The following SENP1 variants were observed in gnomAD, a reference collection of about 807,000 sequenced individuals.
SENP1 encodes the protein SUMO specific peptidase 1.
Under a neutral mutation model 93.0 loss-of-function variants are expected in SENP1, and 21 were observed. The observed-to-expected ratio is 0.23, with a 90% CI of 0.16 to 0.33. The LOEUF (loss-of-function observed/expected upper bound fraction) is 0.33. Among genes scored for constraint, SENP1 ranks in the 10% least tolerant of loss-of-function variants. The probability of loss-of-function intolerance (pLI) is 1.00; values close to 1 mark genes in which losing one functional copy is unlikely to be tolerated. For missense variants in SENP1, 591 were observed against 758.7 expected, an observed-to-expected ratio of 0.78 and a Z score of 2.60; for synonymous variants, 256 against 259.6, an observed-to-expected ratio of 0.99 and a Z score of 0.13.
intron 8 of SENP1, among the ~76,000 whole-genome samples, 170 bp from the exon 9 acceptor site, chr12:48,071,891 C>T (rs1943732098): frequency 6.6e-6 from 1 of 152,110 alleles, no homozygotes; most frequent in South Asian, 2.1e-4. Flanking sequence ...TCACTGAGAA[C>T]AGAAATAGGT....
chr12:48,096,262 T>C, intron 4 of SENP1, 81 bp downstream of exon 4: 2 of 721,544 alleles, frequency 2.8e-6, no homozygotes, highest in Non-Finnish European at 2.3e-6. Context: ...TTTTTACTTT[T>C]GGAGATGATA....
intron 13 of SENP1, among the ~76,000 whole-genome samples, chr12:48,057,940 TC>T (rs1485645015): frequency 4.5e-5 from 5 of 112,306 alleles, no homozygotes; most frequent in African/African-American, 1.2e-4. Context: ...TTTTATTTCC[TC>T]TTTTTTTTTT....
intron 5 of SENP1, among the ~76,000 whole-genome samples, chr12:48,086,468 C>T (rs150323394): frequency 1.3e-5 from 2 of 152,238 alleles, no homozygotes; most frequent in Admixed American, 6.5e-5. Context: ...AGATTACATT[C>T]AAGTCACACG....
At chr12:48,063,987 T>C in intron 12 of SENP1, 146 bp from the exon 13 acceptor site, 1 of 806,126 alleles carries the variant, frequency 1.2e-6, no homozygotes, top group Non-Finnish European at 1.9e-6. Flanking sequence ...ACTTCTAACA[T>C]TTTGGTTTCT....
intron 2 of SENP1, among the ~76,000 whole-genome samples, chr12:48,099,725 C>T (rs1487599894): frequency 1.3e-5 from 2 of 152,094 alleles, no homozygotes; most frequent in African/African-American, 4.8e-5. Context: ...GCATGAGAAT[C>T]GCTTGAACCC....
At chr12:48,074,122 T>G (rs563945010) in intron 8 of SENP1, among the ~76,000 whole-genome samples, 5 of 152,194 alleles carry the variant, frequency 3.3e-5, no homozygotes, top group Non-Finnish European at 7.3e-5. Context: ...ACATCCAAAA[T>G]CCCAAATGCT....
chr12:48,085,376 C>A, intron 5 of SENP1: 2 of 1,352,396 alleles, frequency 1.5e-6, no homozygotes, highest in Non-Finnish European at 2.1e-6. Flanking sequence ...AGGACTCCAC[C>A]CTGCGGAGGG....
At chr12:48,064,081 G>A (rs1184169669) in intron 12 of SENP1, among the ~76,000 whole-genome samples, 1 of 151,868 alleles carries the variant, frequency 6.6e-6, no homozygotes, top group East Asian at 1.9e-4. Context: ...TCAGATCCTT[G>A]TTTCCATATT....
chr12:48,095,861 T>C (rs960729538), intron 4 of SENP1, among the ~76,000 whole-genome samples: 4 of 152,202 alleles, frequency 2.6e-5, no homozygotes, highest in South Asian at 2.1e-4. Flanking sequence ...CCCTTGAATA[T>C]GCAAGCATAT....
At chr12:48,098,320 G>A (rs180753311) in intron 2 of SENP1, among the ~76,000 whole-genome samples, 196 bp from the exon 3 acceptor site, 1 of 151,916 alleles carries the variant, frequency 6.6e-6, no homozygotes, top group African/African-American at 2.4e-5. Context: ...AGGCAACATA[G>A]TAAGACCCTG....
In SENP1 at chr12:48,098,790, G is replaced by C. The variant is rs186395793; in HGVS notation, c.5-666C>G. ...TCACACCACTGCACTCCAGCCTGGG[G>C]GACAGAGGGAGACCCTATGTCTAAC... On this transcript the variant is annotated intron_variant, in intron 2 of 17. Transcript: ENST00000549518. 3.2e-4 allele frequency among the ~76,000 whole-genome samples: 49 copies of C among 151,282 alleles called. No homozygotes were observed. The East Asian group carries it at 7.1e-3, about 22-fold the overall frequency.
At chr12:48,091,587 A>C (rs371756834) in intron 4 of SENP1, among the ~76,000 whole-genome samples, 3 of 152,186 alleles carry the variant, frequency 2.0e-5, no homozygotes, top group African/African-American at 7.2e-5. Context: ...CTGGTAACCT[A>C]ATGTAACATA....
At chr12:48,056,071 A>T (rs1198959933) in intron 13 of SENP1, among the ~76,000 whole-genome samples, 1 of 124,530 alleles carries the variant, frequency 8.0e-6, no homozygotes, top group Non-Finnish European at 1.6e-5. Flanking sequence ...AATATACAGT[A>T]TATATTATAT....
chr12:48,087,501 T>C (rs1179308957), intron 5 of SENP1, among the ~76,000 whole-genome samples: 3 of 152,180 alleles, frequency 2.0e-5, no homozygotes, highest in African/African-American at 7.2e-5. Flanking sequence ...ATACATTTAA[T>C]AGTATACACA....
At chr12:48,086,762 G>A (rs541664777) in intron 5 of SENP1, among the ~76,000 whole-genome samples, 14 of 152,318 alleles carry the variant, frequency 9.2e-5, no homozygotes, top group African/African-American at 2.6e-4. Context: ...CTGAGGCTGG[G>A]CATGGTGGCT....
chr12:48,069,997 C>T (rs559266091), intron 9 of SENP1, among the ~76,000 whole-genome samples: 1 of 152,244 alleles, frequency 6.6e-6, no homozygotes, highest in Admixed American at 6.5e-5. Context: ...CCATATATGG[C>T]AAAGGCATAG....
intron 14 of SENP1, among the ~76,000 whole-genome samples, 166 bp downstream of exon 14, chr12:48,048,763 A>C (rs1324227519): frequency 6.6e-6 from 1 of 152,142 alleles, no homozygotes; most frequent in Admixed American, 6.6e-5. Flanking sequence ...TCTACATCCC[A>C]ATCTTGATAG....
At chr12:48,076,928 A>G (rs1031628682) in intron 6 of SENP1, among the ~76,000 whole-genome samples, 2 of 152,194 alleles carry the variant, frequency 1.3e-5, no homozygotes, top group Non-Finnish European at 2.9e-5. Flanking sequence ...TAAAGGCGTG[A>G]GCCACGGCGC....
rs113434050 is a variant in SENP1 at position 48,047,499 on chromosome 12, T to A, written c.1692-437A>T. Reference sequence around the variant, plus strand: ...AAAAATTAAATCCAAATCAACAATGTATTGAGTGCATACCTTCAATAGAGC... The same window carrying A: ...AAAAATTAAATCCAAATCAACAATGAATTGAGTGCATACCTTCAATAGAGC... On this transcript the variant is annotated intron_variant, in intron 15 of 17. Transcript: ENST00000549518. Among the ~76,000 whole-genome samples, 428 of 152,354 alleles carry A rather than the reference T, an allele frequency of 2.8e-3. 4 individuals are homozygous for A. Among genetic ancestry groups the A allele is most frequent in the African/African-American group, 9.7e-3 (405 of 41,578 alleles).
Sources: allele counts gnomAD v4.1 joint callset (sites outside exome capture counted in the v4.1 genomes callset), GRCh38; gene constraint gnomAD v4.1.1; transcripts MANE v1.5; gene names NCBI Gene and HGNC (gene_info 2026-07-23, HGNC 2026-07-21).